Variants in CCDC38 observed in about 807,000 individuals in gnomAD.
CCDC38 encodes the protein coiled-coil domain containing 38.
Under a neutral mutation model 72.8 loss-of-function variants are expected in CCDC38, and 69 were observed. The observed-to-expected ratio is 0.95, with a 90% CI of 0.78 to 1.16. The LOEUF is 1.16. Among genes scored for constraint, CCDC38 ranks in the 50% most tolerant of loss-of-function variants. The probability of loss-of-function intolerance (pLI) is 0.00; values close to 1 mark genes in which losing one functional copy is unlikely to be tolerated. For synonymous variants in CCDC38, 201 were observed against 213.2 expected (o/e 0.94, Z 0.50); for missense variants, 626 against 638.9 (o/e 0.98, Z 0.22).
At chr12:95,907,564 C>A (rs1377333568) in intron 4 of CCDC38, among the ~76,000 whole-genome samples, 1 of 135,974 alleles carries the variant, frequency 7.4e-6, no homozygotes, top group Non-Finnish European at 1.6e-5. Context: ...GACGAGGCGG[C>A]TGGCCAGGCG....
In CCDC38 at chr12:95,898,648, C is replaced by A. The variant is rs752173074; in HGVS notation, c.453G>T (p.Glu151Asp). The A allele has an allele frequency of 6.2e-7, 1 of 1,614,150 alleles. No individual in the cohort carries two copies. Among genetic ancestry groups the A allele is most frequent in the Admixed American group, 1.7e-5 (1 of 60,012 alleles). The change falls in exon 6 of 16, where the codon GAG becomes GAT. Residue 151 changes from glutamate to aspartate, a missense_variant. Glu to Asp is a conservative substitution (Grantham distance 45). Transcript: ENST00000344280. ...CCAGTGCATCATCTTGGAGCTTTTT[C>A]TCTGCTTTTTTTAGTTGCCGTTCCC... Reference protein sequence around the residue: ...AMRERQLKKAEKKLQDDALAF... With the variant: ...AMRERQLKKADKKLQDDALAF...
At chr12:95,891,020 A>G in intron 8 of CCDC38, 90 bp from the exon 9 acceptor site, 1 of 702,244 alleles carries the variant, frequency 1.4e-6, no homozygotes, top group South Asian at 1.8e-5. Context: ...CAGGGTGAAG[A>G]TAGAGTTATT....
At chr12:95,904,955 G>T (rs1277836692) in intron 5 of CCDC38, among the ~76,000 whole-genome samples, 3 of 152,122 alleles carry the variant, frequency 2.0e-5, no homozygotes, top group African/African-American at 7.2e-5. Context: ...TTGTTCCTTG[G>T]CATCAACAGG....
In CCDC38 at chr12:95,878,319, C is replaced by T. The variant is rs942878175; in HGVS notation, c.1170G>A (p.Glu390=). 1.9e-6 allele frequency: 3 copies of T among 1,613,100 alleles called. No individual in the cohort carries two copies. Among genetic ancestry groups the T allele is most frequent in the South Asian group, 2.2e-5 (2 of 91,050 alleles). Residue 390 remains glutamate (E), a synonymous_variant, in exon 13 of 16, where the codon GAG becomes GAA. Coordinates refer to ENST00000344280, the MANE Select transcript of CCDC38 (RefSeq NM_182496.3). ...AGTTAGCTTTAAGCATTTTTTCTTGCTCCAAAAGAAACTCTATGTTGCTAT... is the reference window on the plus strand; with the variant it reads ...AGTTAGCTTTAAGCATTTTTTCTTGTTCCAAAAGAAACTCTATGTTGCTAT... ...KTNSNIEFLL[E]QEKMLKANCV...
intron 2 of CCDC38, among the ~76,000 whole-genome samples, chr12:95,926,499 G>T (rs1052871558): frequency 6.6e-6 from 1 of 151,868 alleles, no homozygotes; most frequent in Non-Finnish European, 1.5e-5. Flanking sequence ...CCAGCTCCTG[G>T]ATTTATTAAT....
Position 95,917,240 on chromosome 12 carries a change from T to C in CCDC38, c.193A>G (p.Arg65Gly), listed in dbSNP as rs1356147532. The C allele has an allele frequency of 6.2e-7, 1 of 1,605,722 alleles. No individual in the cohort carries two copies. Among genetic ancestry groups the C allele is most frequent in the Non-Finnish European group, 8.5e-7 (1 of 1,178,346 alleles). The change falls in exon 4 of 16, where the codon AGA becomes GGA. Residue 65 changes from arginine to glycine, a missense_variant. Coordinates refer to ENST00000344280, the MANE Select transcript of CCDC38 (RefSeq NM_182496.3). ...KVYQKTTFSS[R>G]MKSHSYLSQL... ...CTCAGGTATGAATGACTCTTCATTCTGGATGAAAAAGTAGTTTTCTGGTAG... is the reference window on the plus strand; with the variant it reads ...CTCAGGTATGAATGACTCTTCATTCCGGATGAAAAAGTAGTTTTCTGGTAG...
chr12:95,936,326 G>T, intron 2 of CCDC38, 147 bp downstream of exon 2: 1 of 693,328 alleles, frequency 1.4e-6, no homozygotes, highest in Non-Finnish European at 2.2e-6. Flanking sequence ...TTAAAAAGTA[G>T]AACAGAATCT....
At chr12:95,891,993 G>A (rs967113879) in intron 8 of CCDC38, among the ~76,000 whole-genome samples, 4 of 151,554 alleles carry the variant, frequency 2.6e-5, no homozygotes, top group Admixed American at 2.6e-4. Context: ...TCCCTGCACT[G>A]CATCCTGGAA....
At chr12:95,887,379 G>A (rs1236855886) in intron 10 of CCDC38, among the ~76,000 whole-genome samples, 1 of 152,142 alleles carries the variant, frequency 6.6e-6, no homozygotes, top group African/African-American at 2.4e-5. Context: ...TGAGCAAATA[G>A]TTAAACTGTA....
chr12:95,894,923 C>CA, intron 8 of CCDC38, 66 bp downstream of exon 8: 1 of 1,274,694 alleles, frequency 7.8e-7, no homozygotes, highest in Non-Finnish European at 1.1e-6. Flanking sequence ...AGATAAAAAA[C>CA]ATTGAAGCAG....
intron 1 of CCDC38, among the ~76,000 whole-genome samples, chr12:95,937,502 A>G (rs2080406012): frequency 6.6e-6 from 1 of 152,186 alleles, no homozygotes; most frequent in Non-Finnish European, 1.5e-5. Context: ...GAGCTGGTGT[A>G]ACTGTTACAA....
At chr12:95,920,421 T>C (rs966032424) in intron 2 of CCDC38, among the ~76,000 whole-genome samples, 2 of 152,222 alleles carry the variant, frequency 1.3e-5, no homozygotes, top group Admixed American at 1.3e-4. Flanking sequence ...AGCCTGGGTA[T>C]GTCTTTATTA....
chr12:95,887,480 G>T (rs1196088423), intron 10 of CCDC38, among the ~76,000 whole-genome samples: 1 of 152,190 alleles, frequency 6.6e-6, no homozygotes, highest in East Asian at 1.9e-4. Flanking sequence ...AGAGAATTAT[G>T]CTTAGTAAAA....
intron 13 of CCDC38, among the ~76,000 whole-genome samples, chr12:95,873,508 C>T (rs1478548855): frequency 2.6e-5 from 4 of 152,100 alleles, no homozygotes; most frequent in Non-Finnish European, 4.4e-5. Context: ...GACACTGTGC[C>T]GTTTAACTGT....
intron 4 of CCDC38, among the ~76,000 whole-genome samples, chr12:95,908,448 G>A (rs1282888663): frequency 4.6e-3 from 1 of 216 alleles, no homozygotes; most frequent in Non-Finnish European, 7.8e-3. Context: ...GTGGAAAGAG[G>A]GAGAGGGAGA....
At chr12:95,871,482 C>A (rs775921692) in intron 14 of CCDC38, among the ~76,000 whole-genome samples, 2 of 152,128 alleles carry the variant, frequency 1.3e-5, no homozygotes, top group Non-Finnish European at 2.9e-5. Context: ...TACCAAGGGA[C>A]AACTGTTTGT....
chr12:95,878,092 G>T, intron 13 of CCDC38, 119 bp downstream of exon 13: 1 of 1,156,094 alleles, frequency 8.6e-7, no homozygotes, highest in Non-Finnish European at 1.2e-6. Context: ...TTCCACTTCT[G>T]TCATCAATCT....
chr12:95,879,571 G>A lies in CCDC38; in HGVS notation c.1142+73C>T, dbSNP rs2079674795. 2 of 1,056,114 alleles carry A rather than the reference G, an allele frequency of 1.9e-6. No individual in the cohort carries two copies. The highest frequency in any genetic ancestry group is 2.8e-6 in the Non-Finnish European group (2 of 719,810). 65.4% of individuals were successfully genotyped at this position (1,056,114 alleles called of 1,614,324 possible). On this transcript the variant is annotated intron_variant, in intron 12 of 15. Coordinates refer to ENST00000344280, the MANE Select transcript of CCDC38 (RefSeq NM_182496.3). This position sits in a 1 kb window ranked among gnomAD's most constrained non-coding sequence, Gnocchi z 5.5. ...CAGAGACCACGAGGAAGAGCCACAT[G>A]TGAGTGAGTTGGACCCAGGCTCTGG...
At chr12:95,888,391 G>T in intron 10 of CCDC38, 67 bp downstream of exon 10, 1 of 1,389,288 alleles carries the variant, frequency 7.2e-7, no homozygotes, top group Non-Finnish European at 1.0e-6. Flanking sequence ...TTGAGAAAAG[G>T]CTTTAAAAGT....
Sources: gnomAD v4.1 joint callset for allele counts (sites outside exome capture counted in the v4.1 genomes callset) on GRCh38, gnomAD v4.1.1 for gene constraint, Gnocchi (gnomAD v3.1) non-coding constraint, MANE v1.5 for transcripts, NCBI Gene and HGNC (gene_info 2026-07-23, HGNC 2026-07-21) for gene names.